Variants in PIK3C3 observed in about 807,000 individuals in gnomAD.
PIK3C3 encodes the protein PI3-kinase type 3.
Under a neutral mutation model 126.1 loss-of-function variants are expected in PIK3C3, and 95 were observed. That is an observed-to-expected ratio of 0.75 (90% confidence interval 0.64 to 0.89). The LOEUF (loss-of-function observed/expected upper bound fraction) is 0.89, where lower values mean the gene tolerates loss of function less well. PIK3C3 is among the 40% of genes least tolerant of loss of function. The probability of loss-of-function intolerance (pLI) is 0.00; values close to 1 mark genes in which losing one functional copy is unlikely to be tolerated. For synonymous variants in PIK3C3, 374 were observed against 360.0 expected (o/e 1.04, Z -0.44); for missense variants, 829 against 1,063.2 (o/e 0.78, Z 3.06).
At position 42,007,286 on chromosome 18, in the gene PIK3C3, A is replaced by C. The variant is rs540106074; in HGVS notation, c.1170+2745A>C. ...CTTTTTACCCTTGTCTTATACTTTT[A>C]AAAAATTTGTTCCTTTATAATACTT... On this transcript the variant is annotated intron_variant, in intron 10 of 24. Transcript: ENST00000262039. 1.9e-3 allele frequency among the ~76,000 whole-genome samples: 292 copies of C among 152,300 alleles called. 1 individual carries two copies. The highest frequency in any genetic ancestry group is 6.4e-3 in the African/African-American group (268 of 41,576).
chr18:42,000,030 G>A (rs1038606447), intron 9 of PIK3C3, among the ~76,000 whole-genome samples: 1 of 152,132 alleles, frequency 6.6e-6, no homozygotes, highest in African/African-American at 2.4e-5. Context: ...GCAGGAAAAT[G>A]TGTGTTAACA....
Position 42,067,467 on chromosome 18 carries a change from A to C in PIK3C3, c.2603A>C (p.His868Pro). The C allele has an allele frequency of 6.2e-7, 1 of 1,614,168 alleles. No individual in the cohort carries two copies. Among genetic ancestry groups the C allele is most frequent in the East Asian group, 2.2e-5 (1 of 44,880 alleles). The change falls in exon 24 of 25, where the codon CAT becomes CCT. Residue 868 changes from histidine (H) to proline (P), a missense_variant. Physicochemically the swap from His to Pro is moderately conservative, Grantham distance 77. This residue lies in a region of PIK3C3 where 196 missense variants were observed against 312.8 expected (regional missense o/e 0.63). Transcript: ENST00000262039. The stretch of plus-strand genomic sequence containing the variant: ...CAGAGTCTGATTGATGAGAGTGTCC[A>C]TGCTCTTTTTGCTGCAGTGGTGGAA... ...YMQSLIDESVHALFAAVVEQI... is the reference protein window; with the variant it reads ...YMQSLIDESVPALFAAVVEQI...
intron 12 of PIK3C3, among the ~76,000 whole-genome samples, chr18:42,019,611 C>G (rs1983232465): frequency 6.6e-6 from 1 of 152,092 alleles, no homozygotes; most frequent in Admixed American, 6.6e-5. Context: ...TTTCCTCTCT[C>G]CTTGATATCT....
chr18:42,057,306 A>G (rs1055493993), intron 21 of PIK3C3, among the ~76,000 whole-genome samples: 1 of 152,180 alleles, frequency 6.6e-6, no homozygotes, highest in African/African-American at 2.4e-5. Context: ...AAACAGATTT[A>G]TAAGTCAGTC....
At chr18:42,036,042 G>C (rs544314781) in intron 16 of PIK3C3, among the ~76,000 whole-genome samples, 1 of 152,230 alleles carries the variant, frequency 6.6e-6, no homozygotes, top group South Asian at 2.1e-4. Context: ...AGATTCTCCT[G>C]CCTGTCATTT....
At chr18:42,076,123 C>CATATATATATAT (rs1568013588) in intron 24 of PIK3C3, among the ~76,000 whole-genome samples, 14 of 30,258 alleles carry the variant, frequency 4.6e-4, no homozygotes, top group South Asian at 1.9e-3. Context: ...TATATATATG[C>CATATATATATAT]GCATATATAT....
At chr18:41,979,013 T>A (rs545883842) in intron 4 of PIK3C3, among the ~76,000 whole-genome samples, 134 of 147,368 alleles carry the variant, frequency 9.1e-4, no homozygotes, top group Middle Eastern at 3.6e-3. Flanking sequence ...GAGGATTGCT[T>A]GAGTCCAGGA....
intron 1 of PIK3C3, among the ~76,000 whole-genome samples, chr18:41,955,679 A>G (rs1427489337): frequency 6.6e-6 from 1 of 152,236 alleles, no homozygotes; most frequent in African/African-American, 2.4e-5. Flanking sequence ...AAATTAAGAA[A>G]TCAAGTCTCG....
intron 23 of PIK3C3, among the ~76,000 whole-genome samples, chr18:42,065,535 A>G (rs1856640380): frequency 6.6e-6 from 1 of 152,256 alleles, no homozygotes; most frequent in African/African-American, 2.4e-5. Flanking sequence ...AGATAAATCA[A>G]TAGAAATTAT....
chr18:42,016,213 A>G (rs1983068306), intron 12 of PIK3C3, among the ~76,000 whole-genome samples: 2 of 152,158 alleles, frequency 1.3e-5, no homozygotes, highest in African/African-American at 4.8e-5. Flanking sequence ...AGATTTTAGG[A>G]GTAATTGTTA....
chr18:42,077,112 T>C (rs1986061151), intron 24 of PIK3C3, among the ~76,000 whole-genome samples: 1 of 152,248 alleles, frequency 6.6e-6, no homozygotes, highest in Non-Finnish European at 1.5e-5. Flanking sequence ...TACATGATAC[T>C]ATGCAGTAGC....
intron 22 of PIK3C3, among the ~76,000 whole-genome samples, chr18:42,059,156 T>C (rs2144507601): frequency 6.6e-6 from 1 of 152,348 alleles, no homozygotes; most frequent in South Asian, 2.1e-4. Flanking sequence ...AGACTGGTTT[T>C]CTTACAGTAA....
chr18:42,034,069 T>G (rs1259361026), intron 16 of PIK3C3, 112 bp downstream of exon 16: 2 of 653,914 alleles, frequency 3.1e-6, no homozygotes, highest in Non-Finnish European at 4.8e-6. Context: ...ATAATTCTAG[T>G]TGATTTAGTA....
At chr18:41,989,618 C>G (rs1448615887) in intron 5 of PIK3C3, among the ~76,000 whole-genome samples, 1 of 152,010 alleles carries the variant, frequency 6.6e-6, no homozygotes, top group Non-Finnish European at 1.5e-5. Context: ...TTACAGTTGC[C>G]CACAGTATTC....
intron 4 of PIK3C3, among the ~76,000 whole-genome samples, chr18:41,972,955 G>A (rs1008220085): frequency 1.3e-5 from 2 of 151,984 alleles, no homozygotes; most frequent in Admixed American, 6.6e-5. Flanking sequence ...CATTATAGTG[G>A]GAAGAGCACT....
chr18:42,034,007 C>G (rs746475225), intron 16 of PIK3C3, 50 bp downstream of exon 16: 18 of 1,346,198 alleles, frequency 1.3e-5, no homozygotes, highest in Non-Finnish European at 1.4e-5. Context: ...AATTCTTAAG[C>G]TAGATCAGAG....
chr18:42,070,644 A>G (rs1296717190), intron 24 of PIK3C3: 2 of 152,190 alleles, frequency 1.3e-5, no homozygotes, highest in Non-Finnish European at 1.5e-5. Flanking sequence ...AAAGTGATTG[A>G]CATTGAGGTT....
chr18:41,970,261 A>G, intron 3 of PIK3C3, 66 bp from the exon 4 acceptor site: 1 of 1,343,756 alleles, frequency 7.4e-7, no homozygotes, highest in Middle Eastern at 1.8e-4. Context: ...ATTTTTAGGA[A>G]TCTAAAATTT....
At chr18:42,044,851 ATAT>A (rs1567998282) in intron 20 of PIK3C3, among the ~76,000 whole-genome samples, 1 of 152,176 alleles carries the variant, frequency 6.6e-6, no homozygotes, top group Non-Finnish European at 1.5e-5. Context: ...TATAAGCGCT[ATAT>A]TTGTTTATGT....
Sources: gnomAD v4.1 joint callset for allele counts (sites outside exome capture counted in the v4.1 genomes callset) on GRCh38, gnomAD v4.1.1 for gene constraint, gnomAD v4.1.1 regional missense constraint, MANE v1.5 for transcripts, NCBI Gene and HGNC (gene_info 2026-07-23, HGNC 2026-07-21) for gene names.